The following METTL24 variants were observed in gnomAD, a reference collection of about 807,000 sequenced individuals.
The protein encoded by METTL24 is methyltransferase like 24, also known as probable methyltransferase-like protein 24.
Under a neutral mutation model 32.7 loss-of-function variants are expected in METTL24, and 29 were observed. The ratio of observed to expected loss-of-function variants is 0.89; its 90% CI spans 0.66 to 1.21. The LOEUF (loss-of-function observed/expected upper bound fraction) is 1.21, where lower values mean the gene tolerates loss of function less well. METTL24 is among the 50% of genes most tolerant of loss of function. METTL24 has a pLI of 0.00. For synonymous variants in METTL24, 163 were observed against 179.5 expected, an observed-to-expected ratio of 0.91 and a Z score of 0.73; for missense variants, 439 against 468.1, an observed-to-expected ratio of 0.94 and a Z score of 0.57.
intron 1 of METTL24, among the ~76,000 whole-genome samples, chr6:110,340,012 T>C (rs111513652): frequency 3.3e-5 from 5 of 152,226 alleles, no homozygotes; most frequent in Non-Finnish European, 7.3e-5. Context: ...TTTTCCCACC[T>C]TTAAAGACTG....
intron 2 of METTL24, among the ~76,000 whole-genome samples, chr6:110,318,666 A>AAG (rs1554215612): frequency 6.6e-5 from 10 of 151,302 alleles, no homozygotes; most frequent in South Asian, 6.2e-4. Flanking sequence ...AAAAAAAAAA[A>AAG]AAAGAAAGAA....
At chr6:110,353,293 T>C (rs2114782402) in intron 1 of METTL24, among the ~76,000 whole-genome samples, 1 of 152,258 alleles carries the variant, frequency 6.6e-6, no homozygotes, top group South Asian at 2.1e-4. Flanking sequence ...GAAGTGTAGG[T>C]ACACAGGCAA....
At chr6:110,348,164 T>C (rs1772517869) in intron 1 of METTL24, among the ~76,000 whole-genome samples, 1 of 152,214 alleles carries the variant, frequency 6.6e-6, no homozygotes, top group Admixed American at 6.5e-5. Flanking sequence ...TGCAAGGTGC[T>C]TTCACCTTCC....
intron 4 of METTL24, among the ~76,000 whole-genome samples, chr6:110,271,353 T>A (rs1289347491): frequency 1.3e-5 from 2 of 152,212 alleles, no homozygotes; most frequent in Non-Finnish European, 2.9e-5. Context: ...TGGAGTACAG[T>A]GGCGTAATCT....
intron 3 of METTL24, among the ~76,000 whole-genome samples, chr6:110,307,591 A>C (rs1430224341): frequency 6.6e-6 from 1 of 152,190 alleles, no homozygotes; most frequent in African/African-American, 2.4e-5. Flanking sequence ...GAAGTTGCAC[A>C]CATCACTTCC....
chr6:110,358,221 G>C lies in METTL24; in HGVS notation c.52C>G (p.Leu18Val). 1 of 1,485,694 alleles carries C rather than the reference G, an allele frequency of 6.7e-7. No homozygotes were observed. The highest frequency in any genetic ancestry group is 8.9e-7 in the Non-Finnish European group (1 of 1,124,852). 92.0% of individuals were successfully genotyped at this position (1,485,694 alleles called of 1,614,324 possible). A position where few individuals can be genotyped will look rare whatever the true frequency, so the allele number is the denominator to read the frequency against. The change falls in exon 1 of 5, where the codon CTA becomes GTA. Residue 18 changes from leucine (L) to valine (V), a missense_variant. Transcript: ENST00000338882. ...GRGCGVLRRC[L>V]LGAVLLFGLR... ...CCGAACAACAGCACAGCCCCGAGTA[G>C]ACACCGGCGCAGGACGCCGCAGCCC...
At chr6:110,266,918 T>C (rs1304810939) in intron 4 of METTL24, among the ~76,000 whole-genome samples, 1 of 152,166 alleles carries the variant, frequency 6.6e-6, no homozygotes, top group Non-Finnish European at 1.5e-5. Flanking sequence ...CATAGTAACG[T>C]TCACTTTTAA....
intron 4 of METTL24, among the ~76,000 whole-genome samples, chr6:110,256,162 T>TGTGCATACACACAC (rs1455788085): frequency 2.0e-5 from 3 of 152,138 alleles, no homozygotes; most frequent in Non-Finnish European, 4.4e-5. Flanking sequence ...TGCACACACA[T>TGTGCATACACACAC]GTGCATACAC....
At chr6:110,332,527 GA>G in intron 1 of METTL24, 1 of 977,234 alleles carries the variant, frequency 1.0e-6, no homozygotes, top group Non-Finnish European at 1.2e-6. Flanking sequence ...TAAAGTTTCA[GA>G]TGTCAAATTA....
rs1412955273 is a variant in METTL24, at chr6:110,245,479, A to T, written c.*467T>A. Among the ~76,000 whole-genome samples, 1 of 152,202 alleles carries T rather than the reference A, an allele frequency of 6.6e-6. No homozygotes were observed. Among genetic ancestry groups the T allele is most frequent in the Non-Finnish European group, 1.5e-5 (1 of 68,026 alleles). On this transcript the variant is annotated 3_prime_UTR_variant, in exon 5 of 5. Coordinates refer to ENST00000338882, the MANE Select transcript of METTL24 (RefSeq NM_001123364.3). ...CTGAGAAGGAATGACTGAAATCTAC[A>T]AGGTTGTAAAGAATATCATTAACAA...
chr6:110,342,318 T>C (rs890658142), intron 1 of METTL24, among the ~76,000 whole-genome samples: 5 of 152,096 alleles, frequency 3.3e-5, no homozygotes, highest in Non-Finnish European at 7.4e-5. Context: ...ACCATGAAGT[T>C]CACCAGCAGC....
rs980235343 is a variant in METTL24 at position 110,332,451 on chromosome 6, C to T, written c.319-9579G>A. 3 of 948,454 alleles carry T rather than the reference C, an allele frequency of 3.2e-6. No homozygotes were observed. In the African/African-American group the frequency reaches 5.4e-5, roughly 17 times the overall value. The allele number at this position is 948,454 out of a possible 1,614,324, so 58.8% of individuals were successfully genotyped here. ...CAGAAGCCATATACCTAGAGTGGAT[C>T]CAGTGAAAGCCGAGATTTTCACTTG... On this transcript the variant is annotated intron_variant, in intron 1 of 4. Transcript: ENST00000338882.
chr6:110,357,080 G>C (rs1447611429), intron 1 of METTL24, among the ~76,000 whole-genome samples: 2 of 152,200 alleles, frequency 1.3e-5, no homozygotes, highest in Non-Finnish European at 2.9e-5. Flanking sequence ...CCGGGCAACG[G>C]AAAGTAGTTG....
In METTL24 at chr6:110,291,841, T is replaced by G. The variant is rs1771326601; in HGVS notation, c.786+7081A>C. Among the ~76,000 whole-genome samples the G allele has an allele frequency of 2.0e-5, 3 of 152,290 alleles. No individual in the cohort carries two copies. The South Asian group carries it at 6.2e-4, about 32-fold the overall frequency. On this transcript the variant is annotated intron_variant, in intron 4 of 4. Coordinates refer to ENST00000338882, the MANE Select transcript of METTL24 (RefSeq NM_001123364.3). ...TAGTTTGCTAAGGATAATGTATATATGTGTTTCCATCTCCAAATTCTCTTG... is the reference window on the plus strand; with the variant it reads ...TAGTTTGCTAAGGATAATGTATATAGGTGTTTCCATCTCCAAATTCTCTTG...
intron 4 of METTL24, among the ~76,000 whole-genome samples, chr6:110,286,763 G>C (rs947091879): frequency 2.6e-5 from 4 of 152,188 alleles, no homozygotes; most frequent in African/African-American, 7.2e-5. Context: ...CAGTGGGCTG[G>C]GAAAGGCAGA....
Position 110,245,848 on chromosome 6 carries a change from A to T in METTL24, c.*98T>A. ...ACACTCCCTGCCTCAAGCAGGGCAC[A>T]GGCTAGCAGGAGACTGGATGAGTAA... On this transcript the variant is annotated 3_prime_UTR_variant, in exon 5 of 5. Transcript: ENST00000338882. The T allele has an allele frequency of 8.1e-7, 1 of 1,240,630 alleles. No individual in the cohort carries two copies. The allele number at this position is 1,240,630 out of a possible 1,614,324, so 76.9% of individuals were successfully genotyped here. A position where few individuals can be genotyped will look rare whatever the true frequency, so the allele number is the denominator to read the frequency against.
At chr6:110,305,567 A>G (rs942493979) in intron 3 of METTL24, among the ~76,000 whole-genome samples, 1 of 130,666 alleles carries the variant, frequency 7.7e-6, no homozygotes, top group Non-Finnish European at 1.6e-5. Flanking sequence ...GCCAACAAAC[A>G]TGAAAAAAAT....
At chr6:110,335,570 T>G (rs1007084988) in intron 1 of METTL24, among the ~76,000 whole-genome samples, 29 of 47,814 alleles carry the variant, frequency 6.1e-4, no homozygotes, top group African/African-American at 4.0e-3. Flanking sequence ...ATCATTGTTT[T>G]TTTTTTTTTT....
At chr6:110,249,298 A>G (rs905894631) in intron 4 of METTL24, among the ~76,000 whole-genome samples, 14 of 152,070 alleles carry the variant, frequency 9.2e-5, no homozygotes, top group Non-Finnish European at 1.8e-4. Flanking sequence ...ATTTTCATTT[A>G]TAAAATGCTA....
Sources: allele counts gnomAD v4.1 joint callset (sites outside exome capture counted in the v4.1 genomes callset), GRCh38; gene constraint gnomAD v4.1.1; transcripts MANE v1.5; gene names NCBI Gene and HGNC (gene_info 2026-07-23, HGNC 2026-07-21).